The following MRC1 variants were observed in gnomAD, a reference collection of about 807,000 sequenced individuals.
The protein encoded by MRC1 is mannose receptor C-type 1.
MRC1 carries 62 observed loss-of-function variants against 102.9 expected under a neutral mutation model. The ratio of observed to expected loss-of-function variants is 0.60; its 90% confidence interval spans 0.49 to 0.74. The LOEUF is 0.74. MRC1 is among the 30% of genes least tolerant of loss of function. The pLI, the probability that MRC1 is intolerant of heterozygous loss-of-function variation, is 0.00. For missense variants in MRC1, 1,237 were observed against 862.8 expected, an observed-to-expected ratio of 1.43 and a Z score of -5.43; for synonymous variants, 457 against 298.4, an observed-to-expected ratio of 1.53 and a Z score of -5.48.
At chr10:17,835,854 A>G (rs892802948) in intron 4 of MRC1, among the ~76,000 whole-genome samples, 1 of 152,220 alleles carries the variant, frequency 6.6e-6, no homozygotes, top group African/African-American at 2.4e-5. Flanking sequence ...AGTAGGTGTG[A>G]CACAGGGCAC....
intron 28 of MRC1, among the ~76,000 whole-genome samples, 186 bp from the exon 29 acceptor site, chr10:17,909,120 A>G (rs1406495216): frequency 6.6e-6 from 1 of 152,192 alleles, no homozygotes; most frequent in East Asian, 1.9e-4. Flanking sequence ...AGGTAGGTAG[A>G]TATATAGATA....
At position 17,898,278 on chromosome 10, in the gene MRC1, GA is replaced by G. The variant is rs1833782597; in HGVS notation, c.3483+15del. On this transcript the variant is annotated intron_variant, in intron 24 of 29. Coordinates refer to ENST00000569591, the MANE Select transcript of MRC1 (RefSeq NM_002438.4). ...TGAACAGTAACTTGGTAAGATGCTG[GA>G]AATATGTGCAACTTGACATGATCAG... The G allele has an allele frequency of 6.4e-6, 5 of 780,780 alleles. No homozygotes were observed. The highest frequency in any genetic ancestry group is 1.2e-5 in the Non-Finnish European group (5 of 417,916). The allele number at this position is 780,780 out of a possible 1,614,324, so 48.4% of individuals were successfully genotyped here.
intron 15 of MRC1, among the ~76,000 whole-genome samples, chr10:17,873,381 C>T (rs1833381588): frequency 6.6e-6 from 1 of 152,120 alleles, no homozygotes; most frequent in East Asian, 1.9e-4. Flanking sequence ...ATACCAATAA[C>T]TCACATATTT....
intron 23 of MRC1, among the ~76,000 whole-genome samples, chr10:17,895,068 CTA>C (rs1833736404): frequency 6.6e-6 from 1 of 151,918 alleles, no homozygotes; most frequent in Admixed American, 6.6e-5. Flanking sequence ...GTAGCTGGGA[CTA>C]CAGGTGTGGT....
intron 17 of MRC1, among the ~76,000 whole-genome samples, chr10:17,876,026 G>C (rs1005149097): frequency 6.6e-6 from 1 of 152,116 alleles, no homozygotes; most frequent in Admixed American, 6.5e-5. Context: ...GTGATGTTGA[G>C]CATTTTTTCA....
rs1404590626 is a variant in MRC1 at position 17,910,256 on chromosome 10, G to C, written c.4162G>C (p.Val1388Leu). 1.3e-6 allele frequency: 1 copy of C among 780,736 alleles called. No individual in the cohort carries two copies. The highest frequency in any genetic ancestry group is 1.7e-5 in the African/African-American group (1 of 59,134). The allele number at this position is 780,736 out of a possible 1,614,324, so 48.4% of individuals were successfully genotyped here. A position where few individuals can be genotyped will look rare whatever the true frequency, so the allele number is the denominator to read the frequency against. The stretch of plus-strand genomic sequence containing the variant: ...GGACCCTTCTAAACCGTCTTCCAAC[G>C]TGGCCGGAGTAGTCATCATTGTGAT... ...KMDPSKPSSN[V>L]AGVVIIVILL... Residue 1388 changes from valine (V) to leucine (L), a missense_variant, in exon 30 of 30, where the codon GTG becomes CTG. By Grantham distance (32) the Val-to-Leu change is conservative. Coordinates refer to ENST00000569591, the MANE Select transcript of MRC1 (RefSeq NM_002438.4).
rs1035473384 is a variant in MRC1 at position 17,824,635 on chromosome 10, T to A, written c.463+1160T>A. ...GAAGTGATATGAGGGGCAAGCTAAG[T>A]GAACACAAAAAAAACCTTTCAGGAG... On this transcript the variant is annotated intron_variant, in intron 2 of 29. Transcript: ENST00000569591. Among the ~76,000 whole-genome samples, 1,365 of 152,016 alleles carry A rather than the reference T, an allele frequency of 9.0e-3. 11 individuals are homozygous for A. The highest frequency in any genetic ancestry group is 0.029 in the South Asian group (140 of 4,806).
At chr10:17,826,171 A>G (rs975873473) in intron 2 of MRC1, among the ~76,000 whole-genome samples, 5 of 149,192 alleles carry the variant, frequency 3.4e-5, no homozygotes, top group Non-Finnish European at 5.9e-5. Flanking sequence ...CAAAATGACT[A>G]AATGTCTTTT....
chr10:17,909,273 G>T (rs1554844082), intron 28 of MRC1, 33 bp from the exon 29 acceptor site: 2 of 836,230 alleles, frequency 2.4e-6, no homozygotes, highest in African/African-American at 1.7e-5. Context: ...AATTATTCTG[G>T]GTTTTTATAA....
intron 16 of MRC1, among the ~76,000 whole-genome samples, chr10:17,874,210 G>T (rs368683008): frequency 1.3e-5 from 2 of 151,992 alleles, no homozygotes; most frequent in Non-Finnish European, 2.9e-5. Context: ...CCAAAATCCA[G>T]ATGTTGGCAG....
intron 9 of MRC1, among the ~76,000 whole-genome samples, chr10:17,857,784 GTCTT>G (rs1406453557): frequency 6.6e-6 from 1 of 152,180 alleles, no homozygotes; most frequent in Non-Finnish European, 1.5e-5. Flanking sequence ...GTGTTGAGGG[GTCTT>G]TCTAAGAATT....
At chr10:17,870,550 A>G (rs952226008) in intron 13 of MRC1, among the ~76,000 whole-genome samples, 177 bp downstream of exon 13, 62 of 152,306 alleles carry the variant, frequency 4.1e-4, no homozygotes, top group African/African-American at 1.5e-3. Context: ...CTTTAATTTT[A>G]TAAGTGTAAA....
intron 10 of MRC1, 128 bp from the exon 11 acceptor site, chr10:17,863,406 A>G: frequency 1.4e-6 from 1 of 707,342 alleles, no homozygotes; most frequent in Non-Finnish European, 2.6e-6. Flanking sequence ...AATATAACAC[A>G]ATATATTTGA....
chr10:17,845,228 G>A (rs1414559568), intron 5 of MRC1, 61 bp from the exon 6 acceptor site: 2 of 780,704 alleles, frequency 2.6e-6, no homozygotes, highest in Non-Finnish European at 4.8e-6. Context: ...AGACGTGGGA[G>A]GGATGCTATC....
At chr10:17,864,434 T>G (rs1833231480) in intron 11 of MRC1, among the ~76,000 whole-genome samples, 1 of 152,038 alleles carries the variant, frequency 6.6e-6, no homozygotes, top group African/African-American at 2.4e-5. Context: ...ACTCATTATT[T>G]CCATATCTTC....
intron 1 of MRC1, among the ~76,000 whole-genome samples, chr10:17,809,825 T>G (rs1838196198): frequency 6.6e-6 from 1 of 152,154 alleles, no homozygotes; most frequent in Non-Finnish European, 1.5e-5. Context: ...CTTCCCTGTT[T>G]TCTTCGTGCA....
chr10:17,827,555 A>G lies in MRC1; in HGVS notation c.477A>G (p.Leu159=), dbSNP rs1838499932. 1 of 780,756 alleles carries G rather than the reference A, an allele frequency of 1.3e-6. No homozygotes were observed. The highest frequency in any genetic ancestry group is 2.4e-6 in the Non-Finnish European group (1 of 417,966). 48.4% of individuals were successfully genotyped at this position (780,756 alleles called of 1,614,324 possible). The stretch of plus-strand genomic sequence containing the variant: ...ATGTTTTTCCAGCCATGTATACGCT[A>G]CTAGGCAATGCCAATGGAGCAACCT... ...CSRGYEAMYT[L]LGNANGATCA... The change falls in exon 3 of 30, where the codon CTA becomes CTG. Residue 159 remains leucine, a synonymous_variant. Coordinates refer to ENST00000569591, the MANE Select transcript of MRC1 (RefSeq NM_002438.4).
intron 26 of MRC1, among the ~76,000 whole-genome samples, chr10:17,904,815 A>G (rs1052952267): frequency 2.2e-4 from 34 of 152,312 alleles, no homozygotes; most frequent in Admixed American, 3.9e-4. Flanking sequence ...GCACACTTCA[A>G]TGCATATCTG....
At chr10:17,831,855 T>C (rs966918542) in intron 3 of MRC1, among the ~76,000 whole-genome samples, 5,804 of 151,706 alleles carry the variant, frequency 0.038, 162 homozygotes, top group Non-Finnish European at 0.052. Flanking sequence ...TAATATTTAT[T>C]TGTATATCAT....
Sources: gnomAD v4.1 joint callset for allele counts (sites outside exome capture counted in the v4.1 genomes callset) on GRCh38, gnomAD v4.1.1 for gene constraint, MANE v1.5 for transcripts, NCBI Gene and HGNC (gene_info 2026-07-23, HGNC 2026-07-21) for gene names.